The following SLAIN1 variants were observed in gnomAD, a reference collection of about 807,000 sequenced individuals.
The protein encoded by SLAIN1 is SLAIN motif-containing protein 1.
Under a neutral mutation model 55.4 loss-of-function variants are expected in SLAIN1, and 17 were observed. The ratio of observed to expected loss-of-function variants is 0.31; its 90% CI spans 0.21 to 0.46. SLAIN1 has a LOEUF of 0.46. Among genes scored for constraint, SLAIN1 ranks in the 20% least tolerant of loss-of-function variants. The pLI, the probability that SLAIN1 is intolerant of heterozygous loss-of-function variation, is 1.00. For synonymous variants in SLAIN1, 348 were observed against 337.4 expected (o/e 1.03, Z -0.35); for missense variants, 682 against 785.1 (o/e 0.87, Z 1.57).
chr13:77,707,018 C>T (rs1050469369), intron 1 of SLAIN1, among the ~76,000 whole-genome samples: 5 of 151,522 alleles, frequency 3.3e-5, no homozygotes, highest in Non-Finnish European at 4.4e-5. Flanking sequence ...ACTGGACATT[C>T]GTGCACACTT....
chr13:77,758,952 T>C (rs557408098), intron 5 of SLAIN1, among the ~76,000 whole-genome samples: 1 of 152,222 alleles, frequency 6.6e-6, no homozygotes, highest in South Asian at 2.1e-4. Context: ...GTTTGGATTG[T>C]TTTTTCTAGT....
chr13:77,702,571 T>G (rs2091041526), intron 1 of SLAIN1, among the ~76,000 whole-genome samples: 1 of 152,164 alleles, frequency 6.6e-6, no homozygotes, highest in African/African-American at 2.4e-5. Flanking sequence ...GACCTTCCTA[T>G]GACCTGTTTC....
intron 2 of SLAIN1, among the ~76,000 whole-genome samples, chr13:77,728,079 C>G (rs1412825684): frequency 6.6e-6 from 1 of 152,128 alleles, no homozygotes; most frequent in East Asian, 1.9e-4. Flanking sequence ...CATAGAAAAT[C>G]TACAACAATC....
At position 77,698,604 on chromosome 13, in the gene SLAIN1, G is replaced by C; in HGVS notation, c.626+65G>C. The C allele has an allele frequency of 7.5e-7, 1 of 1,338,060 alleles. No individual in the cohort carries two copies. Among genetic ancestry groups the C allele is most frequent in the East Asian group, 2.9e-5 (1 of 34,228 alleles). The allele number at this position is 1,338,060 out of a possible 1,614,324, so 82.9% of individuals were successfully genotyped here. A position where few individuals can be genotyped will look rare whatever the true frequency, so the allele number is the denominator to read the frequency against. On this transcript the variant is annotated intron_variant, in intron 1 of 6. Coordinates refer to ENST00000418532, the MANE Select transcript of SLAIN1 (RefSeq NM_001242868.2). This position sits in a 1 kb window ranked among gnomAD's most constrained non-coding sequence, Gnocchi z 4.1. ...CGGGGGCTTCGGGCACCGGGGAGCG[G>C]GGGCGGGGGGCGGACGGGGGTCCCC...
chr13:77,761,801 TC>T (rs1875044669), intron 6 of SLAIN1, among the ~76,000 whole-genome samples: 1 of 152,130 alleles, frequency 6.6e-6, no homozygotes, highest in South Asian at 2.1e-4. Flanking sequence ...GTCATGATGT[TC>T]CCTTCTTGAA....
rs965021649 is a variant in SLAIN1 at position 77,698,651 on chromosome 13, C to G, written c.626+112C>G. The G allele has an allele frequency of 1.5e-6, 2 of 1,297,856 alleles. No homozygotes were observed. The highest frequency in any genetic ancestry group is 3.1e-5 in the African/African-American group (2 of 64,988). 80.4% of individuals were successfully genotyped at this position (1,297,856 alleles called of 1,614,324 possible). On this transcript the variant is annotated intron_variant, in intron 1 of 6. Transcript: ENST00000418532. This position sits in a 1 kb window ranked among gnomAD's most constrained non-coding sequence, Gnocchi z 4.1. ...CCCCTCGCGGCAGCCGGGGTGACTC[C>G]CCGCGGCTCCCGGAGGGGCCGACCC...
chr13:77,698,807 A>G lies in SLAIN1; in HGVS notation c.626+268A>G, dbSNP rs1431192129. On this transcript the variant is annotated intron_variant, in intron 1 of 6. Coordinates refer to ENST00000418532, the MANE Select transcript of SLAIN1 (RefSeq NM_001242868.2). This position sits in a 1 kb window ranked among gnomAD's most constrained non-coding sequence, Gnocchi z 4.1. ...CCCCCCATCTGCCATGGGTTCTGCTATTTGCTGATTGTTGGGTCCCAAGCT... is the reference window on the plus strand; with the variant it reads ...CCCCCCATCTGCCATGGGTTCTGCTGTTTGCTGATTGTTGGGTCCCAAGCT... 5.0e-6 allele frequency: 7 copies of G among 1,395,596 alleles called. No homozygotes were observed. The highest frequency in any genetic ancestry group is 2.5e-5 in the East Asian group (1 of 39,738). The allele number at this position is 1,395,596 out of a possible 1,614,324, so 86.5% of individuals were successfully genotyped here.
intron 1 of SLAIN1, among the ~76,000 whole-genome samples, chr13:77,716,074 C>G (rs1294852531): frequency 2.0e-5 from 3 of 150,374 alleles, no homozygotes; most frequent in Admixed American, 6.6e-5. Flanking sequence ...TGTCTGTGCT[C>G]TATTTTGAGT....
intron 1 of SLAIN1, among the ~76,000 whole-genome samples, chr13:77,700,171 A>G (rs2091017229): frequency 6.6e-6 from 1 of 152,028 alleles, no homozygotes; most frequent in South Asian, 2.1e-4. Flanking sequence ...TTTCTGTCAT[A>G]TTTAGTTAGC....
At chr13:77,703,621 G>C (rs2091052596) in intron 1 of SLAIN1, among the ~76,000 whole-genome samples, 1 of 151,876 alleles carries the variant, frequency 6.6e-6, no homozygotes, top group Non-Finnish European at 1.5e-5. Context: ...TTTGTTATAG[G>C]ACAGCTTAGT....
chr13:77,757,229 C>T (rs1350683926), intron 5 of SLAIN1, among the ~76,000 whole-genome samples: 1 of 151,936 alleles, frequency 6.6e-6, no homozygotes, highest in Non-Finnish European at 1.5e-5. Context: ...AGTTGCTGAA[C>T]TAGTATATTA....
At chr13:77,733,345 T>C (rs1872963101) in intron 2 of SLAIN1, among the ~76,000 whole-genome samples, 1 of 152,168 alleles carries the variant, frequency 6.6e-6, no homozygotes, top group South Asian at 2.1e-4. Flanking sequence ...AACTCTTGCA[T>C]TGGGTATTTC....
At chr13:77,720,398 C>T (rs531187685) in intron 2 of SLAIN1, among the ~76,000 whole-genome samples, 1 of 152,230 alleles carries the variant, frequency 6.6e-6, no homozygotes, top group African/African-American at 2.4e-5. Context: ...ATTCCGGAGC[C>T]TCCAGATTAA....
chr13:77,758,512 C>T (rs1874768866), intron 5 of SLAIN1, among the ~76,000 whole-genome samples: 2 of 152,022 alleles, frequency 1.3e-5, no homozygotes, highest in Non-Finnish European at 2.9e-5. Context: ...AGCCAATGTC[C>T]AGAATAATTT....
intron 1 of SLAIN1, among the ~76,000 whole-genome samples, chr13:77,699,777 T>G (rs2091012738): frequency 6.6e-6 from 1 of 152,186 alleles, no homozygotes. Context: ...TGCAGGTAGC[T>G]CAAGGTGTAA....
chr13:77,707,562 GC>G (rs1490448165), intron 1 of SLAIN1, among the ~76,000 whole-genome samples: 2 of 152,086 alleles, frequency 1.3e-5, no homozygotes, highest in African/African-American at 4.8e-5. Flanking sequence ...AGGTGCCGAA[GC>G]CGATCTAAAG....
At chr13:77,711,764 C>CA (rs2091153274) in intron 1 of SLAIN1, among the ~76,000 whole-genome samples, 1 of 152,094 alleles carries the variant, frequency 6.6e-6, no homozygotes. Context: ...CTGGCAGAGA[C>CA]ACAAATAAAA....
At chr13:77,760,769 A>G (rs1281489734) in intron 5 of SLAIN1, 59 bp from the exon 6 acceptor site, 23 of 1,568,938 alleles carry the variant, frequency 1.5e-5, no homozygotes, top group African/African-American at 5.4e-5. Context: ...AATAACACAC[A>G]TTTCCTAAGT....
chr13:77,727,520 A>G (rs1485061166), intron 2 of SLAIN1, among the ~76,000 whole-genome samples: 1 of 151,904 alleles, frequency 6.6e-6, no homozygotes, highest in Admixed American at 6.6e-5. Flanking sequence ...AAAAAAACAA[A>G]AACCCTCAAA....
Sources: allele counts gnomAD v4.1 joint callset (sites outside exome capture counted in the v4.1 genomes callset), GRCh38; gene constraint gnomAD v4.1.1; non-coding constraint Gnocchi (gnomAD v3.1); transcripts MANE v1.5; gene names NCBI Gene and HGNC (gene_info 2026-07-23, HGNC 2026-07-21).